Variants in GRM3 observed in about 807,000 individuals in gnomAD.
The protein encoded by GRM3 is glutamate metabotropic receptor 3.
GRM3 carries 26 observed loss-of-function variants against 70.5 expected under a neutral mutation model. The observed-to-expected ratio is 0.37, with a 90% CI of 0.27 to 0.51. The LOEUF (loss-of-function observed/expected upper bound fraction) is 0.51. Ranked by LOEUF, GRM3 falls within the 20% of genes least tolerant of loss-of-function variation. The pLI, the probability that GRM3 is intolerant of heterozygous loss-of-function variation, is 0.93. For synonymous variants in GRM3, 443 were observed against 434.9 expected (o/e 1.02, Z -0.23); for missense variants, 859 against 1,123.8 (o/e 0.76, Z 3.37).
chr7:86,830,823 C>T (rs1188277276), intron 3 of GRM3, among the ~76,000 whole-genome samples: 3 of 152,018 alleles, frequency 2.0e-5, no homozygotes, highest in Non-Finnish European at 4.4e-5. Flanking sequence ...TACAGGTAAC[C>T]AAGTTAAAAT....
Position 86,684,958 on chromosome 7 carries a change from T to A in GRM3, c.-141+40086T>A, listed in dbSNP as rs184557001. ...TATGAGGATTAATTGTGTAAAGTAC[T>A]TATAGTAACTGAGAAAAAGGAAGCA... On this transcript the variant is annotated intron_variant, in intron 1 of 5. Transcript: ENST00000361669. 2.4e-4 allele frequency among the ~76,000 whole-genome samples: 36 copies of A among 152,328 alleles called. No individual in the cohort carries two copies. In the East Asian group the frequency reaches 6.6e-3, roughly 28 times the overall value.
chr7:86,830,744 C>CA, intron 3 of GRM3, among the ~76,000 whole-genome samples: 1 of 152,142 alleles, frequency 6.6e-6, no homozygotes, highest in Non-Finnish European at 1.5e-5. Flanking sequence ...TTGTGTTCCC[C>CA]AAAAAGAGAT....
At chr7:86,658,777 T>A (rs6969080) in intron 1 of GRM3, among the ~76,000 whole-genome samples, 4,540 of 152,086 alleles carry the variant, frequency 0.03, 188 homozygotes, top group African/African-American at 0.1. Flanking sequence ...ATATTCCTTT[T>A]AGCCATATAT....
intron 1 of GRM3, among the ~76,000 whole-genome samples, chr7:86,707,740 AG>A (rs1269887341): frequency 6.6e-6 from 1 of 152,082 alleles, no homozygotes; most frequent in African/African-American, 2.4e-5. Flanking sequence ...AGTGGTAAAA[AG>A]TAATTATAGA....
chr7:86,830,131 G>C (rs1287630958), intron 3 of GRM3, among the ~76,000 whole-genome samples: 1 of 152,164 alleles, frequency 6.6e-6, no homozygotes, highest in Non-Finnish European at 1.5e-5. Flanking sequence ...CTCTGCCAGA[G>C]AGCTTTGTCT....
chr7:86,752,551 T>C (rs924656681), intron 1 of GRM3, among the ~76,000 whole-genome samples: 1 of 152,028 alleles, frequency 6.6e-6, no homozygotes, highest in Non-Finnish European at 1.5e-5. Flanking sequence ...GATTCCTACA[T>C]TGAAATGTGT....
intron 3 of GRM3, among the ~76,000 whole-genome samples, chr7:86,791,976 A>G (rs1797430680): frequency 6.6e-6 from 1 of 152,218 alleles, no homozygotes; most frequent in South Asian, 2.1e-4. Flanking sequence ...TATTTAAATG[A>G]GAATTATGTT....
chr7:86,717,642 T>C lies in GRM3; in HGVS notation c.-140-47364T>C, dbSNP rs543154714. On this transcript the variant is annotated intron_variant, in intron 1 of 5. Transcript: ENST00000361669. ...CAGATGGTAGCATGTGGTTAGCCAT[T>C]TTAGAGCAAGCCAAATGCCTTGCTC... Among the ~76,000 whole-genome samples, 45 of 152,086 alleles carry C rather than the reference T, an allele frequency of 3.0e-4. 2 individuals are homozygous for C. The South Asian group carries it at 8.5e-3, about 29-fold the overall frequency.
chr7:86,759,014 A>G (rs2116390392), intron 1 of GRM3, among the ~76,000 whole-genome samples: 1 of 152,228 alleles, frequency 6.6e-6, no homozygotes, highest in Non-Finnish European at 1.5e-5. Flanking sequence ...TTTGTTGTTT[A>G]AAATTTCACA....
intron 3 of GRM3, among the ~76,000 whole-genome samples, chr7:86,832,752 C>T (rs1798379081): frequency 6.6e-6 from 1 of 152,176 alleles, no homozygotes; most frequent in East Asian, 1.9e-4. Flanking sequence ...CTTGCTGCCT[C>T]TCTACCAAAT....
intron 4 of GRM3, among the ~76,000 whole-genome samples, chr7:86,849,567 T>A (rs1798720564): frequency 6.6e-6 from 1 of 152,152 alleles, no homozygotes; most frequent in African/African-American, 2.4e-5. Context: ...CTAAAGTCAT[T>A]TAGGACATTT....
chr7:86,765,196 G>T lies in GRM3; in HGVS notation c.51G>T (p.Lys17Asn), dbSNP rs138292549. Residue 17 changes from lysine to asparagine, a missense_variant, in exon 2 of 6, where the codon AAG becomes AAT. Physicochemically the swap from Lys to Asn is moderately conservative, Grantham distance 94. Transcript: ENST00000361669. ...TTCTTACCTTAGCTTTGTTTTCAAA[G>T]GGATTTTTACTCTCTTTAGGGGACC... ...LQVLTLALFSKGFLLSLGDHN... is the reference protein window; with the variant it reads ...LQVLTLALFSNGFLLSLGDHN... 27 of 1,600,980 alleles carry T rather than the reference G, an allele frequency of 1.7e-5. No individual in the cohort carries two copies. The highest frequency in any genetic ancestry group is 2.2e-5 in the Non-Finnish European group (26 of 1,176,076).
At chr7:86,655,581 G>C (rs1326215214) in intron 1 of GRM3, among the ~76,000 whole-genome samples, 2 of 148,550 alleles carry the variant, frequency 1.3e-5, no homozygotes, top group South Asian at 4.2e-4. Context: ...TTGAAACTTT[G>C]AGCGCTAAAG....
chr7:86,744,918 C>A (rs1484038591), intron 1 of GRM3, among the ~76,000 whole-genome samples: 1 of 151,978 alleles, frequency 6.6e-6, no homozygotes, highest in African/African-American at 2.4e-5. Context: ...CACACCCAGG[C>A]TCTTCGACTC....
intron 1 of GRM3, among the ~76,000 whole-genome samples, chr7:86,761,203 A>T (rs1325957621): frequency 6.6e-6 from 1 of 152,144 alleles, no homozygotes; most frequent in East Asian, 1.9e-4. Flanking sequence ...GTGCACACAT[A>T]GTGGGTGTTC....
chr7:86,750,262 C>A (rs370855355), intron 1 of GRM3, among the ~76,000 whole-genome samples: 2 of 152,056 alleles, frequency 1.3e-5, no homozygotes. Context: ...AGTTTAGCTA[C>A]GCTAACTAAT....
intron 1 of GRM3, among the ~76,000 whole-genome samples, chr7:86,677,972 A>G (rs1220137884): frequency 2.0e-5 from 3 of 152,016 alleles, no homozygotes; most frequent in Non-Finnish European, 4.4e-5. Context: ...CAAAAAGGAG[A>G]CTAGTAAATA....
chr7:86,771,829 C>T (rs1796749499), intron 2 of GRM3, among the ~76,000 whole-genome samples: 1 of 152,042 alleles, frequency 6.6e-6, no homozygotes, highest in Admixed American at 6.6e-5. Flanking sequence ...TATACATAAA[C>T]AGAAAGCCTG....
chr7:86,798,149 T>G (rs1162807870), intron 3 of GRM3, among the ~76,000 whole-genome samples: 1 of 152,146 alleles, frequency 6.6e-6, no homozygotes, highest in East Asian at 1.9e-4. Flanking sequence ...AAGTGGAGTA[T>G]GAGCCCCCAC....
Sources: gnomAD v4.1 joint callset for allele counts (sites outside exome capture counted in the v4.1 genomes callset) on GRCh38, gnomAD v4.1.1 for gene constraint, MANE v1.5 for transcripts, NCBI Gene and HGNC (gene_info 2026-07-23, HGNC 2026-07-21) for gene names.